Variants in PITPNC1 observed in about 807,000 individuals in gnomAD.
PITPNC1 encodes the protein phosphatidylinositol transfer protein cytoplasmic 1, also known as cytoplasmic phosphatidylinositol transfer protein 1.
In PITPNC1, 18 loss-of-function variants were observed where a neutral mutation model predicts 44.7. The ratio of observed to expected loss-of-function variants is 0.40; its 90% CI spans 0.28 to 0.60. PITPNC1 has a LOEUF of 0.60. PITPNC1 is among the 20% of genes least tolerant of loss of function. The pLI is 0.39. For synonymous variants in PITPNC1, 141 were observed against 149.6 expected, an observed-to-expected ratio of 0.94 and a Z score of 0.42; for missense variants, 290 against 418.4, an observed-to-expected ratio of 0.69 and a Z score of 2.68.
intron 1 of PITPNC1, among the ~76,000 whole-genome samples, chr17:67,515,740 A>G (rs1404102075): frequency 6.6e-6 from 1 of 152,128 alleles, no homozygotes; most frequent in African/African-American, 2.4e-5. Flanking sequence ...TCTCCCACAG[A>G]ATATCTATAT....
At chr17:67,379,423 C>T (rs996719649) in intron 1 of PITPNC1, 2 of 962,880 alleles carry the variant, frequency 2.1e-6, no homozygotes, top group Non-Finnish European at 2.5e-6. Context: ...AAGACAAGAT[C>T]AAAGTAGCTG....
Position 67,612,458 on chromosome 17 carries a change from G to A in PITPNC1, c.367-19685G>A, listed in dbSNP as rs1191847684. On this transcript the variant is annotated intron_variant, in intron 5 of 8. Coordinates refer to ENST00000581322, the MANE Select transcript of PITPNC1 (RefSeq NM_012417.4). ...TCAGTGATGAGGTGGGACACCTAAC[G>A]TCCTCACTTCCAGGTGATGAAATGG... 2.0e-5 allele frequency: 3 copies of A among 152,252 alleles called. No homozygotes were observed. In the East Asian group the frequency reaches 5.8e-4, roughly 29 times the overall value. 9.4% of individuals were successfully genotyped at this position (152,252 alleles called of 1,614,324 possible).
At chr17:67,589,247 A>G (rs2041359514) in intron 5 of PITPNC1, among the ~76,000 whole-genome samples, 1 of 152,272 alleles carries the variant, frequency 6.6e-6, no homozygotes, top group Admixed American at 6.5e-5. Context: ...AAGAATATCC[A>G]GCACACAAGG....
At chr17:67,640,132 G>A (rs931775084) in intron 6 of PITPNC1, among the ~76,000 whole-genome samples, 2 of 151,480 alleles carry the variant, frequency 1.3e-5, no homozygotes, top group South Asian at 2.1e-4. Flanking sequence ...TGAGAGTAAC[G>A]CAGCTGTTTT....
chr17:67,657,149 C>T (rs1200442761), intron 6 of PITPNC1, among the ~76,000 whole-genome samples: 1 of 148,936 alleles, frequency 6.7e-6, no homozygotes. Flanking sequence ...TTCCCCTCCC[C>T]ACCCCCGTTT....
chr17:67,682,451 G>C (rs2144442187), intron 8 of PITPNC1, among the ~76,000 whole-genome samples: 1 of 152,232 alleles, frequency 6.6e-6, no homozygotes, highest in South Asian at 2.1e-4. Flanking sequence ...CAGGCCCCAT[G>C]CAGTATGACC....
At position 67,617,017 on chromosome 17, in the gene PITPNC1, C is replaced by T. The variant is rs546101130; in HGVS notation, c.367-15126C>T. ...AATGTCCACCATCGGCCGGTCTGAA[C>T]GCCACATTTAATGTGTTCTTTTTGA... On this transcript the variant is annotated intron_variant, in intron 5 of 8. Transcript: ENST00000581322. Among the ~76,000 whole-genome samples, 20 of 152,272 alleles carry T rather than the reference C, an allele frequency of 1.3e-4. No individual in the cohort carries two copies. The East Asian group carries it at 2.7e-3, about 21-fold the overall frequency.
chr17:67,523,684 G>A (rs1429519501), intron 1 of PITPNC1, among the ~76,000 whole-genome samples: 1 of 151,740 alleles, frequency 6.6e-6, no homozygotes, highest in East Asian at 1.9e-4. Context: ...ACAGCCCACT[G>A]TGAACAATTA....
At chr17:67,618,634 C>T (rs2041791428) in intron 5 of PITPNC1, among the ~76,000 whole-genome samples, 1 of 151,998 alleles carries the variant, frequency 6.6e-6, no homozygotes, top group African/African-American at 2.4e-5. Flanking sequence ...CCCCCATAAA[C>T]CCAGCTACTC....
Position 67,675,497 on chromosome 17 carries a change from C to G in PITPNC1, c.637C>G (p.Leu213Val). The G allele has an allele frequency of 6.2e-7, 1 of 1,609,794 alleles. No homozygotes were observed. The highest frequency in any genetic ancestry group is 8.5e-7 in the Non-Finnish European group (1 of 1,176,078). The change falls in exon 8 of 9, where the codon CTG becomes GTG. Residue 213 changes from leucine (L) to valine (V), a missense_variant. Physicochemically the swap from Leu to Val is conservative, Grantham distance 32. Transcript: ENST00000581322. The part of the protein sequence containing the change: ...FVHKVVRDIL[L>V]IGHRQAFAWV... ...TTTTTAGGTGGTCCGAGACATTCTG[C>G]TGATTGGACATAGACAGGCTTTTGC...
At chr17:67,383,767 G>A (rs781452572) in intron 1 of PITPNC1, among the ~76,000 whole-genome samples, 1 of 152,170 alleles carries the variant, frequency 6.6e-6, no homozygotes, top group Non-Finnish European at 1.5e-5. Flanking sequence ...GGCCAGGCGC[G>A]GTGGCTCATG....
chr17:67,679,978 ACT>A (rs924887081), intron 8 of PITPNC1, among the ~76,000 whole-genome samples: 3 of 152,192 alleles, frequency 2.0e-5, no homozygotes, highest in Non-Finnish European at 2.9e-5. Context: ...TGAAAACCTG[ACT>A]CTAACCAAAA....
intron 5 of PITPNC1, among the ~76,000 whole-genome samples, chr17:67,586,954 C>A (rs914868164): frequency 2.6e-5 from 4 of 152,072 alleles, no homozygotes; most frequent in Non-Finnish European, 5.9e-5. Flanking sequence ...AGGAAGGGAT[C>A]TATTTTGAAA....
chr17:67,419,185 G>T (rs9914936), intron 1 of PITPNC1, among the ~76,000 whole-genome samples: 2,752 of 150,954 alleles, frequency 0.018, 91 homozygotes, highest in African/African-American at 0.063. Flanking sequence ...AAAAAAAAAT[G>T]AGAAAGCAGA....
intron 4 of PITPNC1, among the ~76,000 whole-genome samples, chr17:67,555,738 G>A (rs2040830221): frequency 6.6e-6 from 1 of 151,780 alleles, no homozygotes; most frequent in African/African-American, 2.4e-5. Context: ...CAGCTACTTG[G>A]GAGGCTGAGA....
intron 6 of PITPNC1, among the ~76,000 whole-genome samples, chr17:67,652,904 G>C (rs2042224806): frequency 6.6e-6 from 1 of 152,222 alleles, no homozygotes. Context: ...ACTTACTTGG[G>C]ATAGGGTCTT....
intron 4 of PITPNC1, among the ~76,000 whole-genome samples, chr17:67,571,994 C>T (rs113846742): frequency 2.5e-4 from 38 of 152,144 alleles, no homozygotes; most frequent in South Asian, 4.1e-4. Flanking sequence ...TTCTGTCTGC[C>T]GTGGGTTTTT....
intron 1 of PITPNC1, among the ~76,000 whole-genome samples, chr17:67,517,962 G>C (rs544016042): frequency 2.0e-5 from 3 of 152,256 alleles, no homozygotes; most frequent in Non-Finnish European, 4.4e-5. Context: ...TTCCAGCGTA[G>C]CTGTCACCTA....
intron 5 of PITPNC1, among the ~76,000 whole-genome samples, chr17:67,609,479 G>A (rs574586268): frequency 3.3e-5 from 5 of 149,906 alleles, no homozygotes; most frequent in African/African-American, 7.3e-5. Flanking sequence ...TAATAGAGAC[G>A]GGATTTCACC....
Sources: gnomAD v4.1 joint callset for allele counts (sites outside exome capture counted in the v4.1 genomes callset) on GRCh38, gnomAD v4.1.1 for gene constraint, MANE v1.5 for transcripts, NCBI Gene and HGNC (gene_info 2026-07-23, HGNC 2026-07-21) for gene names.